HDLBP: variants seen among roughly 807,000 people sequenced by gnomAD.
HDLBP encodes high density lipoprotein binding protein.
In HDLBP, 30 loss-of-function variants were observed where a neutral mutation model predicts 137.3. The ratio of observed to expected loss-of-function variants is 0.22; its 90% confidence interval spans 0.16 to 0.30. HDLBP has a LOEUF of 0.30. HDLBP is among the 10% of genes least tolerant of loss of function. HDLBP has a pLI of 1.00. For synonymous variants in HDLBP, 606 were observed against 596.0 expected (o/e 1.02, Z -0.24); for missense variants, 1,119 against 1,667.3 (o/e 0.67, Z 5.73).
Position 241,230,081 on chromosome 2 carries a change from A to T in HDLBP, c.3591+72T>A. The stretch of plus-strand genomic sequence containing the variant: ...ACACAAGTGCCACCTTGTCCCCTGA[A>T]GCTCCTGGCTGGGCCTCAGGCCGGT... On this transcript the variant is annotated intron_variant, in intron 26 of 27. Coordinates refer to ENST00000310931, the MANE Select transcript of HDLBP (RefSeq NM_005336.6). The surrounding 1 kb of genome is among the most constrained non-coding windows in gnomAD (Gnocchi z 5.0). 6.3e-7 allele frequency: 1 copy of T among 1,587,470 alleles called. No individual in the cohort carries two copies. The highest frequency in any genetic ancestry group is 8.6e-7 in the Non-Finnish European group (1 of 1,158,990).
At chr2:241,313,453 T>C (rs1279042758) in intron 1 of HDLBP, among the ~76,000 whole-genome samples, 1 of 152,122 alleles carries the variant, frequency 6.6e-6, no homozygotes, top group African/African-American at 2.4e-5. Context: ...CTAATTTTTG[T>C]ATTTTTAGTA....
chr2:241,264,376 GA>G (rs1024780809), intron 4 of HDLBP, 71 bp downstream of exon 4: 36 of 953,010 alleles, frequency 3.8e-5, no homozygotes, highest in African/African-American at 6.8e-5. Context: ...AAAAAAAAAA[GA>G]AAAAAAATTT....
At chr2:241,298,204 A>G (rs2075258243) in intron 1 of HDLBP, among the ~76,000 whole-genome samples, 1 of 151,910 alleles carries the variant, frequency 6.6e-6, no homozygotes, top group South Asian at 2.1e-4. Context: ...GTCTCTACTA[A>G]AAATACAGAA....
chr2:241,262,991 A>G lies in HDLBP; in HGVS notation c.235-65T>C, dbSNP rs547121133. The G allele has an allele frequency of 2.0e-4, 254 of 1,241,522 alleles. 1 individual carries two copies. In the African/African-American group the frequency reaches 3.3e-3, roughly 16 times the overall value. 76.9% of individuals were successfully genotyped at this position (1,241,522 alleles called of 1,614,324 possible). ...AAAAGAAGGCCAACAGATAGGGAGT[A>G]AAGAACATGTGTTCATCACCATCCA... On this transcript the variant is annotated intron_variant, in intron 4 of 27. Transcript: ENST00000310931.
intron 12 of HDLBP, 97 bp downstream of exon 12, chr2:241,249,744 A>G (rs1412273300): frequency 3.2e-6 from 4 of 1,251,648 alleles, no homozygotes; most frequent in Non-Finnish European, 3.3e-6. Flanking sequence ...GTCGACTTCC[A>G]TTCTCTAAGG....
intron 24 of HDLBP, among the ~76,000 whole-genome samples, chr2:241,232,362 G>A (rs1197262992): frequency 6.6e-6 from 1 of 150,550 alleles, no homozygotes; most frequent in Non-Finnish European, 1.5e-5. Flanking sequence ...TGCAGCCTCC[G>A]CCTCCTGCGT....
intron 1 of HDLBP, among the ~76,000 whole-genome samples, chr2:241,300,208 C>A (rs560875080): frequency 1.1e-4 from 17 of 152,130 alleles, no homozygotes; most frequent in Non-Finnish European, 2.2e-4. Flanking sequence ...GAACTCCCCC[C>A]ACCCCGCCCA....
In HDLBP at chr2:241,303,473, C is replaced by G. The variant is rs140893877; in HGVS notation, c.-103+12097G>C. Among the ~76,000 whole-genome samples the G allele has an allele frequency of 4.9e-3, 745 of 152,324 alleles. 5 individuals carry two copies. The highest frequency in any genetic ancestry group is 0.017 in the African/African-American group (704 of 41,574). ...GAGAGAGGCAGCACTTAACCTGCTA[C>G]ACAACACAGCTGTATACAAGAACAC... On this transcript the variant is annotated intron_variant, in intron 1 of 27. Coordinates refer to ENST00000310931, the MANE Select transcript of HDLBP (RefSeq NM_005336.6).
At chr2:241,302,181 C>T (rs1390539164) in intron 1 of HDLBP, among the ~76,000 whole-genome samples, 1 of 152,044 alleles carries the variant, frequency 6.6e-6, no homozygotes, top group Non-Finnish European at 1.5e-5. Flanking sequence ...TCATTTGAGC[C>T]CAGGAGTTCG....
At position 241,230,947 on chromosome 2, in the gene HDLBP, A is replaced by G. The variant is rs1319369638; in HGVS notation, c.3289-3T>C. ...GTGATGGTAATTTGGTCCTGGGGCT[A>G]AAAAAGGAGAATGTAGTCAGAAAAG... On this transcript the variant is annotated splice_region_variant and splice_polypyrimidine_tract_variant and intron_variant, in intron 24 of 27. Transcript: ENST00000310931. The surrounding 1 kb of genome is among the most constrained non-coding windows in gnomAD (Gnocchi z 5.0). The G allele has an allele frequency of 1.2e-6, 2 of 1,610,258 alleles. No homozygotes were observed. Among genetic ancestry groups the G allele is most frequent in the Non-Finnish European group, 8.5e-7 (1 of 1,176,772 alleles).
intron 4 of HDLBP, among the ~76,000 whole-genome samples, chr2:241,263,524 CCA>C (rs144059038): frequency 0.016 from 2,471 of 152,086 alleles, 44 homozygotes; most frequent in African/African-American, 0.044. Context: ...TGGTGTGAGA[CCA>C]CAGTCACCAA....
At chr2:241,289,487 A>G (rs1372353376) in intron 1 of HDLBP, among the ~76,000 whole-genome samples, 1 of 152,240 alleles carries the variant, frequency 6.6e-6, no homozygotes, top group African/African-American at 2.4e-5. Context: ...ATGTTCCTCT[A>G]TGCAAAGTTA....
intron 5 of HDLBP, among the ~76,000 whole-genome samples, chr2:241,258,136 C>T (rs907473822): frequency 3.3e-5 from 5 of 151,962 alleles, no homozygotes; most frequent in African/African-American, 7.3e-5. Context: ...CAGTGGCTCA[C>T]GCCTGTAATC....
Position 241,248,055 on chromosome 2 carries a change from T to C in HDLBP, c.1679A>G (p.Lys560Arg), listed in dbSNP as rs748517409. 6.2e-7 allele frequency: 1 copy of C among 1,614,174 alleles called. No individual in the cohort carries two copies. The highest frequency in any genetic ancestry group is 8.5e-7 in the Non-Finnish European group (1 of 1,179,986). ...TTTTGTGCATTTTTCCACCTCATTC[T>C]TAGGTCCTCTGAGCTGGACAATGTC... ...KSDIVQLRGP[K>R]NEVEKCTKYM... is the part of the protein sequence containing the mutation. Residue 560 changes from lysine (K) to arginine (R), a missense_variant, in exon 14 of 28, where the codon AAG becomes AGG. Lys to Arg is a conservative substitution (Grantham distance 26). This residue lies in a region of HDLBP where 425 missense variants were observed against 693.9 expected (regional missense o/e 0.61). Coordinates refer to ENST00000310931, the MANE Select transcript of HDLBP (RefSeq NM_005336.6).
chr2:241,255,312 A>T, intron 8 of HDLBP, 62 bp downstream of exon 8: 1 of 1,494,828 alleles, frequency 6.7e-7, no homozygotes, highest in Non-Finnish European at 9.3e-7. Flanking sequence ...TCGAGAGCTC[A>T]TCCATGAAGG....
chr2:241,302,263 C>CA (rs1195695863), intron 1 of HDLBP, among the ~76,000 whole-genome samples: 11 of 151,912 alleles, frequency 7.2e-5, no homozygotes, highest in Non-Finnish European at 1.0e-4. Flanking sequence ...GTCAAACAAA[C>CA]AAACTAGAGG....
chr2:241,234,040 T>A, intron 23 of HDLBP, 77 bp from the exon 24 acceptor site: 4 of 1,534,374 alleles, frequency 2.6e-6, no homozygotes, highest in Non-Finnish European at 3.6e-6. Context: ...TCCACCCTGG[T>A]CATAGGACAC....
intron 2 of HDLBP, among the ~76,000 whole-genome samples, chr2:241,268,203 A>G (rs577983367): frequency 5.3e-4 from 80 of 152,364 alleles, no homozygotes; most frequent in African/African-American, 1.9e-3. Context: ...GCAAGACCCC[A>G]ATTCAGATAA....
At chr2:241,237,381 G>A (rs965673802) in intron 20 of HDLBP, among the ~76,000 whole-genome samples, 12 of 152,196 alleles carry the variant, frequency 7.9e-5, no homozygotes, top group East Asian at 7.7e-4. Flanking sequence ...CTGGGACACC[G>A]CGTGTGTACC....
Sources: gnomAD v4.1 joint callset for allele counts (sites outside exome capture counted in the v4.1 genomes callset) on GRCh38, gnomAD v4.1.1 for gene constraint, gnomAD v4.1.1 regional missense constraint, Gnocchi (gnomAD v3.1) non-coding constraint, MANE v1.5 for transcripts, NCBI Gene and HGNC (gene_info 2026-07-23, HGNC 2026-07-21) for gene names.